HAS3: variants seen among roughly 807,000 people sequenced by gnomAD.
The protein encoded by HAS3 is hyaluronan synthase 3, also known as HA synthase 3.
HAS3 carries 27 observed loss-of-function variants against 50.3 expected under a neutral mutation model. That is an observed-to-expected ratio of 0.54 (90% CI 0.40 to 0.74). The LOEUF is 0.74. Ranked by LOEUF, HAS3 falls within the 30% of genes least tolerant of loss-of-function variation. The pLI, the probability that HAS3 is intolerant of heterozygous loss-of-function variation, is 0.00. For synonymous variants in HAS3, 339 were observed against 310.9 expected (o/e 1.09, Z -0.95); for missense variants, 517 against 742.8 (o/e 0.70, Z 3.53).
chr16:69,118,357 C>A, downstream of HAS3: 1 of 1,594,850 alleles, frequency 6.3e-7, no homozygotes, highest in Non-Finnish European at 8.6e-7. Context: ...TGTTCAAGCC[C>A]CCAGGGAAAG....
In HAS3 at chr16:69,117,509, A is replaced by G. The variant is rs1031104230; in HGVS notation, c.*2243A>G. The G allele has an allele frequency of 4.2e-6, 4 of 959,020 alleles. No individual in the cohort carries two copies. The East Asian group carries it at 3.5e-4, about 83-fold the overall frequency. The allele number at this position is 959,020 out of a possible 1,614,324, so 59.4% of individuals were successfully genotyped here. The stretch of plus-strand genomic sequence containing the variant: ...ATTGGACGCATTTTGGTTTTTCCTC[A>G]TTGAGAATTCAAATCCTCTTTTGTA... On this transcript the variant is annotated 3_prime_UTR_variant, in exon 4 of 4. Coordinates refer to ENST00000569188, the MANE Select transcript of HAS3 (RefSeq NM_001199280.2).
At chr16:69,095,167 TAGAG>T in the HAS3 span, among the ~76,000 whole-genome samples, 69 of 152,120 alleles carry the variant, frequency 4.5e-4, no homozygotes, top group African/African-American at 1.6e-3. Flanking sequence ...GTATTTTTAG[TAGAG>T]AGAGGGTTTC....
chr16:69,099,313 G>A, the HAS3 span, among the ~76,000 whole-genome samples: 1 of 148,534 alleles, frequency 6.7e-6, no homozygotes, highest in South Asian at 2.1e-4. Context: ...ATATTTGGGT[G>A]AACTTCTCAC....
chr16:69,111,988 G>A (rs886316120), intron 2 of HAS3, among the ~76,000 whole-genome samples: 3 of 152,246 alleles, frequency 2.0e-5, no homozygotes, highest in African/African-American at 7.2e-5. Flanking sequence ...CCCTGGGCCA[G>A]AGCCAGTGAG....
chr16:69,087,696 C>CTTTTTTTT, the HAS3 span, among the ~76,000 whole-genome samples: 2 of 82,616 alleles, frequency 2.4e-5, no homozygotes, highest in Non-Finnish European at 4.8e-5. Flanking sequence ...CCGCACCCGG[C>CTTTTTTTT]TTTTTTTTTT....
chr16:69,089,289 C>T, the HAS3 span, among the ~76,000 whole-genome samples: 1 of 152,176 alleles, frequency 6.6e-6, no homozygotes, highest in African/African-American at 2.4e-5. Flanking sequence ...GTCATCTGAC[C>T]TGTGCAAAAC....
At chr16:69,101,028 T>A (rs1449346608), upstream of HAS3, among the ~76,000 whole-genome samples, 1 of 152,138 alleles carries the variant, frequency 6.6e-6, no homozygotes, top group East Asian at 1.9e-4. Context: ...TGCATCTGCC[T>A]CCTAACAGAT....
upstream of HAS3, among the ~76,000 whole-genome samples, chr16:69,102,787 T>C (rs945639517): frequency 5.3e-5 from 8 of 152,062 alleles, no homozygotes; most frequent in South Asian, 6.2e-4. Context: ...TGGGACACAG[T>C]TGGAGTCTAA....
At chr16:69,090,337 T>C in the HAS3 span, among the ~76,000 whole-genome samples, 1 of 152,192 alleles carries the variant, frequency 6.6e-6, no homozygotes, top group South Asian at 2.1e-4. Flanking sequence ...CTGTGCGTAT[T>C]TGTGTACATT....
upstream of HAS3, among the ~76,000 whole-genome samples, chr16:69,103,003 A>ATGTGTG (rs35175934): frequency 0.057 from 7,870 of 138,682 alleles, 261 homozygotes; most frequent in African/African-American, 0.081. Context: ...TGGAGTGTGC[A>ATGTGTG]TGTGTGTGTG....
chr16:69,118,105 T>A, downstream of HAS3: 1 of 527,834 alleles, frequency 1.9e-6, no homozygotes, highest in Non-Finnish European at 3.4e-6. Context: ...CAAAGCACAG[T>A]GATTTCTTCC....
rs369047157 is a variant in HAS3, at chr16:69,116,399, C to T, written c.*1133C>T. 40 of 985,742 alleles carry T rather than the reference C, an allele frequency of 4.1e-5. No homozygotes were observed. In the East Asian group the frequency reaches 1.0e-3, roughly 25 times the overall value. The allele number at this position is 985,742 out of a possible 1,614,324, so 61.1% of individuals were successfully genotyped here. ...GGCTACAATCTTGGAGCTGCTTGGA[C>T]GGATTCCTTGGCAGCCGGGTTAGCA... On this transcript the variant is annotated 3_prime_UTR_variant, in exon 4 of 4. Coordinates refer to ENST00000569188, the MANE Select transcript of HAS3 (RefSeq NM_001199280.2).
chr16:69,106,637 G>A lies in HAS3; in HGVS notation c.-1+850G>A. On this transcript the variant is annotated intron_variant, in intron 1 of 3. Transcript: ENST00000569188. This position sits in a 1 kb window ranked among gnomAD's most constrained non-coding sequence, Gnocchi z 5.5. Reference sequence around the variant, plus strand: ...GAATTAGGAGGCGGACGCCGGTGCGGGGCTCCAGGCTGGCTGGGGTACCCC... The same window carrying A: ...GAATTAGGAGGCGGACGCCGGTGCGAGGCTCCAGGCTGGCTGGGGTACCCC... The A allele has an allele frequency of 6.6e-6, 1 of 152,322 alleles. No individual in the cohort carries two copies. The highest frequency in any genetic ancestry group is 1.9e-4 in the East Asian group (1 of 5,186). 9.4% of individuals were successfully genotyped at this position (152,322 alleles called of 1,614,324 possible). A position where few individuals can be genotyped will look rare whatever the true frequency, so the allele number is the denominator to read the frequency against.
rs1872555637 is a variant in HAS3, at chr16:69,115,053, T to C, written c.1449T>C (p.Pro483=). 1 of 1,613,978 alleles carries C rather than the reference T, an allele frequency of 6.2e-7. No individual in the cohort carries two copies. Among genetic ancestry groups the C allele is most frequent in the Non-Finnish European group, 8.5e-7 (1 of 1,179,980 alleles). The change falls in exon 4 of 4, where the codon CCT becomes CCC. Residue 483 remains proline (P), a synonymous_variant. Coordinates refer to ENST00000569188, the MANE Select transcript of HAS3 (RefSeq NM_001199280.2). ...TGGTGAACTTCATTGGCCTCATTCCTGTGTCCATCTGGGTGGCAGTTCTCC... is the reference window on the plus strand; with the variant it reads ...TGGTGAACTTCATTGGCCTCATTCCCGTGTCCATCTGGGTGGCAGTTCTCC... ...TIVVNFIGLI[P]VSIWVAVLLG...
Position 69,106,767 on chromosome 16 carries a change from C to T in HAS3, c.-1+980C>T, listed in dbSNP as rs1040716496. 6.6e-6 allele frequency: 1 copy of T among 152,154 alleles called. No homozygotes were observed. 9.4% of individuals were successfully genotyped at this position (152,154 alleles called of 1,614,324 possible). ...TTAGCCGGGCCGCGGCAGCACGTGT[C>T]CGGGGGAGTGGGCTCCCCTCCCCTG... On this transcript the variant is annotated intron_variant, in intron 1 of 3. Transcript: ENST00000569188. This position sits in a 1 kb window ranked among gnomAD's most constrained non-coding sequence, Gnocchi z 5.5.
the HAS3 span, among the ~76,000 whole-genome samples, chr16:69,090,862 T>C: frequency 6.6e-6 from 1 of 152,208 alleles, no homozygotes; most frequent in Admixed American, 6.5e-5. Context: ...TGTGAACCAC[T>C]GTGCCCAGCA....
At position 69,115,766 on chromosome 16, in the gene HAS3, C is replaced by T. The variant is rs372857796; in HGVS notation, c.*500C>T. On this transcript the variant is annotated 3_prime_UTR_variant, in exon 4 of 4. Coordinates refer to ENST00000569188, the MANE Select transcript of HAS3 (RefSeq NM_001199280.2). Reference sequence around the variant, plus strand: ...AGTAGTCATCAATGCAATAAGATTGCGCCTGAGATACAAGGCCCAGAAGCC... The same window carrying T: ...AGTAGTCATCAATGCAATAAGATTGTGCCTGAGATACAAGGCCCAGAAGCC... 22 of 986,280 alleles carry T rather than the reference C, an allele frequency of 2.2e-5. No individual in the cohort carries two copies. The highest frequency in any genetic ancestry group is 5.2e-4 in the Middle Eastern group (1 of 1,914). The allele number at this position is 986,280 out of a possible 1,614,324, so 61.1% of individuals were successfully genotyped here. A position where few individuals can be genotyped will look rare whatever the true frequency, so the allele number is the denominator to read the frequency against.
chr16:69,107,312 G>A lies in HAS3; in HGVS notation c.-1+1525G>A. ...AATGCCTCTAATTCCTGCGGGGGAGGGGTCCCGCCCAGGGAAGGAGAGGGC... is the reference window on the plus strand; with the variant it reads ...AATGCCTCTAATTCCTGCGGGGGAGAGGTCCCGCCCAGGGAAGGAGAGGGC... On this transcript the variant is annotated intron_variant, in intron 1 of 3. Coordinates refer to ENST00000569188, the MANE Select transcript of HAS3 (RefSeq NM_001199280.2). The surrounding 1 kb of genome is among the most constrained non-coding windows in gnomAD (Gnocchi z 5.5). 2.0e-6 allele frequency: 2 copies of A among 981,168 alleles called. No homozygotes were observed. The highest frequency in any genetic ancestry group is 2.4e-6 in the Non-Finnish European group (2 of 826,032). 60.8% of individuals were successfully genotyped at this position (981,168 alleles called of 1,614,324 possible).
At chr16:69,112,882 CCGAGAGG>C (rs1961055293) in intron 2 of HAS3, among the ~76,000 whole-genome samples, 1 of 152,208 alleles carries the variant, frequency 6.6e-6, no homozygotes, top group Admixed American at 6.5e-5. Flanking sequence ...GTGCCCTGGT[CCGAGAGG>C]CTCGGCCAAG....
Sources: allele counts gnomAD v4.1 joint callset (sites outside exome capture counted in the v4.1 genomes callset), GRCh38; gene constraint gnomAD v4.1.1; non-coding constraint Gnocchi (gnomAD v3.1); transcripts MANE v1.5; gene names NCBI Gene and HGNC (gene_info 2026-07-23, HGNC 2026-07-21).